FLVCR1: variants seen among roughly 807,000 people sequenced by gnomAD.
FLVCR1 encodes choline/ethanolamine transporter FLVCR1.
In FLVCR1, 34 loss-of-function variants were observed where a neutral mutation model predicts 53.6. The ratio of observed to expected loss-of-function variants is 0.63; its 90% CI spans 0.48 to 0.84. The LOEUF is 0.84. Ranked by LOEUF, FLVCR1 falls within the 40% of genes least tolerant of loss-of-function variation. The pLI is 0.00. For missense variants in FLVCR1, 677 were observed against 696.7 expected (o/e 0.97, Z 0.32); for synonymous variants, 300 against 286.3 (o/e 1.05, Z -0.48).
chr1:212,862,348 CCT>C (rs1664271459), intron 1 of FLVCR1, among the ~76,000 whole-genome samples: 2 of 152,186 alleles, frequency 1.3e-5, no homozygotes, highest in Admixed American at 6.5e-5. Flanking sequence ...CCTCCCCTAG[CCT>C]GTGGCAAGTA....
At chr1:212,872,585 C>A in intron 2 of FLVCR1, 93 bp from the exon 3 acceptor site, 2 of 887,630 alleles carry the variant, frequency 2.3e-6, no homozygotes, top group Non-Finnish European at 1.8e-6. Context: ...TGTCTGCTCA[C>A]TAAGAATGAT....
intron 2 of FLVCR1, among the ~76,000 whole-genome samples, chr1:212,867,619 G>A (rs1296043860): frequency 1.3e-5 from 2 of 152,114 alleles, no homozygotes; most frequent in African/African-American, 4.8e-5. Context: ...TGGTAATGCT[G>A]TTGTATTTAA....
At chr1:212,875,901 G>A (rs368134959) in intron 3 of FLVCR1, among the ~76,000 whole-genome samples, 3 of 151,016 alleles carry the variant, frequency 2.0e-5, no homozygotes, top group Non-Finnish European at 2.9e-5. Context: ...TTGCAATCTC[G>A]GTTTTATTGG....
At chr1:212,886,224 A>T (rs1665062074) in intron 5 of FLVCR1, among the ~76,000 whole-genome samples, 1 of 150,864 alleles carries the variant, frequency 6.6e-6, no homozygotes, top group Admixed American at 6.6e-5. Context: ...TGACTTTTTG[A>T]TAGAGACAGT....
intron 4 of FLVCR1, among the ~76,000 whole-genome samples, chr1:212,884,253 C>T (rs7519166): frequency 0.46 from 70,333 of 151,550 alleles, 17,539 homozygotes; most frequent in East Asian, 0.56. Flanking sequence ...GAGCCGAGAT[C>T]GTGCCATTGT....
chr1:212,888,722 C>A, intron 7 of FLVCR1, 128 bp downstream of exon 7: 2 of 771,168 alleles, frequency 2.6e-6, no homozygotes, highest in South Asian at 1.5e-5. Context: ...TCTTGCTCAG[C>A]CATCCAAGCT....
Position 212,895,601 on chromosome 1 carries a change from C to CT in FLVCR1, c.*317dup, listed in dbSNP as rs1665314109. ...TTACTTTTTAAAAGTCGATGTTTTT[C>CT]TTTTTTGTAGAAAATGGAAGCTTAG... is the stretch of plus-strand genomic sequence containing the variant. On this transcript the variant is annotated 3_prime_UTR_variant, in exon 10 of 10. Transcript: ENST00000366971. 1 of 363,148 alleles carries CT rather than the reference C, an allele frequency of 2.8e-6. No homozygotes were observed. Among genetic ancestry groups the CT allele is most frequent in the Non-Finnish European group, 5.1e-6 (1 of 194,948 alleles). The allele number at this position is 363,148 out of a possible 1,614,324, so 22.5% of individuals were successfully genotyped here. A position where few individuals can be genotyped will look rare whatever the true frequency, so the allele number is the denominator to read the frequency against.
chr1:212,895,200 C>CTGATTGATTGTTTTTATAGAT lies in FLVCR1; in HGVS notation c.1594-10_1594-9insATTGTTTTTATAGATTGATTG, dbSNP rs41301015. ...CCAGATGCTATACATTTTTAATCTTCTGATTGTTTTTATAGATACCAGCTG... is the reference window on the plus strand; with the variant it reads ...CCAGATGCTATACATTTTTAATCTTCTGATTGATTGTTTTTATAGATTGATTGTTTTTATAGATACCAGCTG... On this transcript the variant is annotated splice_polypyrimidine_tract_variant and intron_variant, in intron 9 of 9. Coordinates refer to ENST00000366971, the MANE Select transcript of FLVCR1 (RefSeq NM_014053.4). The CTGATTGATTGTTTTTATAGAT allele has an allele frequency of 1.9e-6, 3 of 1,589,270 alleles. No individual in the cohort carries two copies. The highest frequency in any genetic ancestry group is 2.6e-6 in the Non-Finnish European group (3 of 1,157,670).
intron 3 of FLVCR1, among the ~76,000 whole-genome samples, chr1:212,874,532 T>C (rs1244010856): frequency 4.2e-5 from 6 of 143,380 alleles, no homozygotes; most frequent in South Asian, 4.5e-4. Context: ...TTTTCTTTTT[T>C]TTTTTTTTTT....
At chr1:212,878,776 G>A (rs12756625) in intron 3 of FLVCR1, among the ~76,000 whole-genome samples, 70,407 of 151,796 alleles carry the variant, frequency 0.46, 17,556 homozygotes, top group East Asian at 0.56. Flanking sequence ...CATTGAAAGG[G>A]ATAAAGGGAG....
At chr1:212,874,526 C>CTTTTTTTTTTTTTTTTTTTTTTTT (rs61497441) in intron 3 of FLVCR1, among the ~76,000 whole-genome samples, 2 of 120,880 alleles carry the variant, frequency 1.7e-5, no homozygotes, top group Admixed American at 9.3e-5. Context: ...TTCTTTTTTT[C>CTTTTTTTTTTTTTTTTTTTTTTTT]TTTTTTTTTT....
At chr1:212,893,039 G>A (rs6683314) in intron 8 of FLVCR1, among the ~76,000 whole-genome samples, 3 of 148,862 alleles carry the variant, frequency 2.0e-5, no homozygotes, top group African/African-American at 7.5e-5. Context: ...AAAACCTGAA[G>A]AAATGAAGGG....
chr1:212,894,564 A>G (rs1665285384), intron 8 of FLVCR1, among the ~76,000 whole-genome samples: 1 of 152,018 alleles, frequency 6.6e-6, no homozygotes, highest in Admixed American at 6.6e-5. Context: ...TTGACAAGTT[A>G]TTACTCAGTT....
At position 212,899,016 on chromosome 1, in the gene FLVCR1, T is replaced by C. The variant is rs1250975340; in HGVS notation, c.*3726T>C. 1.3e-5 allele frequency: 2 copies of C among 152,252 alleles called. No homozygotes were observed. The allele number at this position is 152,252 out of a possible 1,614,324, so 9.4% of individuals were successfully genotyped here. A position where few individuals can be genotyped will look rare whatever the true frequency, so the allele number is the denominator to read the frequency against. ...CTTATAGGATCTCTGTCATATGTGG[T>C]CAATTGTTGATCGAAACATGACTGT... On this transcript the variant is annotated 3_prime_UTR_variant, in exon 10 of 10. Transcript: ENST00000366971.
intron 3 of FLVCR1, among the ~76,000 whole-genome samples, chr1:212,880,579 C>T (rs770224771): frequency 2.6e-5 from 4 of 152,056 alleles, no homozygotes; most frequent in Non-Finnish European, 5.9e-5. Context: ...AGGCAGATCA[C>T]CTGAGGTCAG....
At chr1:212,885,504 T>A in intron 5 of FLVCR1, 108 bp downstream of exon 5, 1 of 784,290 alleles carries the variant, frequency 1.3e-6, no homozygotes. Flanking sequence ...TACTTAAAGA[T>A]ACGGATTCTA....
chr1:212,864,152 T>C (rs1460869708), intron 2 of FLVCR1, among the ~76,000 whole-genome samples: 1 of 152,220 alleles, frequency 6.6e-6, no homozygotes, highest in Non-Finnish European at 1.5e-5. Context: ...TGCCTCCTCT[T>C]CCCATATTCG....
rs767390439 is a variant in FLVCR1 at position 212,872,786 on chromosome 1, A to G, written c.992A>G (p.Asn331Ser). ...YKKSIRNLFKNIPFVLLLITY... is the reference protein window; with the variant it reads ...YKKSIRNLFKSIPFVLLLITY... ...AAATCAATAAGAAACCTGTTTAAAA[A>G]CATTCCTTTTGTCCTTCTGTTGATC... Residue 331 changes from asparagine (N) to serine (S), a missense_variant, in exon 3 of 10, where the codon AAC (asparagine) becomes AGC (serine). Transcript: ENST00000366971. 6.2e-7 allele frequency: 1 copy of G among 1,613,910 alleles called. No individual in the cohort carries two copies. The highest frequency in any genetic ancestry group is 8.5e-7 in the Non-Finnish European group (1 of 1,179,870).
At chr1:212,888,031 A>G (rs1405971482) in intron 6 of FLVCR1, 30 bp downstream of exon 6, 3 of 1,197,900 alleles carry the variant, frequency 2.5e-6, no homozygotes, top group Non-Finnish European at 3.7e-6. Context: ...AGGAGGAATG[A>G]TAGCATGCTG....
Sources: gnomAD v4.1 joint callset for allele counts (sites outside exome capture counted in the v4.1 genomes callset) on GRCh38, gnomAD v4.1.1 for gene constraint, MANE v1.5 for transcripts, NCBI Gene and HGNC (gene_info 2026-07-23, HGNC 2026-07-21) for gene names.